CNTLN: variants seen among roughly 807,000 people sequenced by gnomAD.
The protein encoded by CNTLN is centlein, centrosomal protein.
CNTLN carries 212 observed loss-of-function variants against 180.0 expected under a neutral mutation model. That is an observed-to-expected ratio of 1.18 (90% confidence interval 1.05 to 1.32). The LOEUF is 1.32. Ranked by LOEUF, CNTLN falls within the 40% of genes most tolerant of loss-of-function variation. The pLI is 0.00. For synonymous variants in CNTLN, 722 were observed against 563.1 expected, an observed-to-expected ratio of 1.28 and a Z score of -3.99; for missense variants, 2,095 against 1,610.9, an observed-to-expected ratio of 1.30 and a Z score of -5.14.
At chr9:17,518,283 G>A in the CNTLN span, among the ~76,000 whole-genome samples, 2 of 151,674 alleles carry the variant, frequency 1.3e-5, no homozygotes, top group Non-Finnish European at 2.9e-5. Context: ...TCCTGACCTC[G>A]TGATCTGCCT....
At chr9:17,376,533 G>A (rs932072874) in intron 13 of CNTLN, among the ~76,000 whole-genome samples, 3 of 151,332 alleles carry the variant, frequency 2.0e-5, no homozygotes, top group African/African-American at 7.3e-5. Flanking sequence ...CTCACTGCAA[G>A]CTCCGCCTCC....
the CNTLN span, among the ~76,000 whole-genome samples, chr9:17,510,990 C>T: frequency 3.2e-3 from 480 of 152,336 alleles, 2 homozygotes; most frequent in African/African-American, 0.011. Flanking sequence ...TGCAACCCCA[C>T]CAACCATGTC....
At chr9:17,483,690 A>T (rs532940219) in intron 23 of CNTLN, among the ~76,000 whole-genome samples, 13 of 152,196 alleles carry the variant, frequency 8.5e-5, no homozygotes, top group Non-Finnish European at 1.8e-4. Flanking sequence ...AGGCAACTTA[A>T]AGGCTTGTGA....
At chr9:17,512,871 T>C in the CNTLN span, among the ~76,000 whole-genome samples, 14 of 152,232 alleles carry the variant, frequency 9.2e-5, no homozygotes, top group East Asian at 1.2e-3. Context: ...GGCTGGAGTG[T>C]GGTGGCGCGA....
chr9:17,218,922 A>G lies in CNTLN; in HGVS notation c.450-7281A>G, dbSNP rs145659306. ...AATATATGGCATGGTCTATAACATA[A>G]TAAAATTTTGTTTCTTAATGATTCA... On this transcript the variant is annotated intron_variant, in intron 2 of 25. Transcript: ENST00000380647. Among the ~76,000 whole-genome samples, 95 of 152,312 alleles carry G rather than the reference A, an allele frequency of 6.2e-4. 2 individuals are homozygous for G. The East Asian group carries it at 0.017, about 27-fold the overall frequency.
chr9:17,526,282 A>T, the CNTLN span, among the ~76,000 whole-genome samples: 4 of 152,208 alleles, frequency 2.6e-5, no homozygotes, highest in Admixed American at 2.0e-4. Flanking sequence ...AGCCAAAATG[A>T]TTTGAAATAA....
intron 25 of CNTLN, among the ~76,000 whole-genome samples, chr9:17,499,802 T>C (rs1833649119): frequency 6.6e-6 from 1 of 152,162 alleles, no homozygotes; most frequent in South Asian, 2.1e-4. Flanking sequence ...CTTATGTATT[T>C]AAAAAATAAT....
At chr9:17,303,105 G>A (rs1042495560) in intron 7 of CNTLN, among the ~76,000 whole-genome samples, 5 of 152,170 alleles carry the variant, frequency 3.3e-5, no homozygotes, top group Non-Finnish European at 7.4e-5. Flanking sequence ...GGTAACTGAA[G>A]CTTAGAGTGT....
At chr9:17,244,264 T>G (rs1158459561) in intron 5 of CNTLN, among the ~76,000 whole-genome samples, 1 of 151,694 alleles carries the variant, frequency 6.6e-6, no homozygotes, top group Non-Finnish European at 1.5e-5. Flanking sequence ...CAGACTGGAG[T>G]GCAGTGGCAC....
intron 2 of CNTLN, among the ~76,000 whole-genome samples, chr9:17,151,884 A>C (rs1489558472): frequency 6.6e-6 from 1 of 151,984 alleles, no homozygotes; most frequent in Non-Finnish European, 1.5e-5. Flanking sequence ...CTGTCTTGGA[A>C]TTGGGAGGGT....
intron 5 of CNTLN, among the ~76,000 whole-genome samples, chr9:17,270,947 CTTTTTTT>C (rs78896738): frequency 8.2e-6 from 1 of 122,156 alleles, no homozygotes; most frequent in African/African-American, 3.3e-5. Context: ...GAGAGGAGTT[CTTTTTTT>C]TTTTTTTTTT....
At chr9:17,516,965 C>G in the CNTLN span, among the ~76,000 whole-genome samples, 1 of 152,160 alleles carries the variant, frequency 6.6e-6, no homozygotes, top group Admixed American at 6.5e-5. Context: ...CACAATCTTT[C>G]CATCTCCTGG....
chr9:17,324,086 A>G (rs1264971156), intron 8 of CNTLN, among the ~76,000 whole-genome samples: 1 of 152,208 alleles, frequency 6.6e-6, no homozygotes. Context: ...TATAGAGATG[A>G]TAATGTATAA....
chr9:17,263,262 A>G (rs980224919), intron 5 of CNTLN, among the ~76,000 whole-genome samples: 7 of 130,246 alleles, frequency 5.4e-5, no homozygotes, highest in African/African-American at 2.1e-4. Context: ...CTCATTGTTC[A>G]ATTCCCACCA....
intron 13 of CNTLN, among the ~76,000 whole-genome samples, chr9:17,386,355 A>G (rs1825681809): frequency 6.6e-6 from 1 of 152,168 alleles, no homozygotes; most frequent in African/African-American, 2.4e-5. Flanking sequence ...AACTCCTGAG[A>G]AAGAATATAA....
chr9:17,154,904 C>G (rs1032473092), intron 2 of CNTLN, among the ~76,000 whole-genome samples: 1 of 152,212 alleles, frequency 6.6e-6, no homozygotes, highest in Admixed American at 6.5e-5. Flanking sequence ...TTCTTTTGCT[C>G]TTCACAATAA....
At chr9:17,507,559 T>C (rs1833955189), downstream of CNTLN, among the ~76,000 whole-genome samples, 1 of 152,158 alleles carries the variant, frequency 6.6e-6, no homozygotes, top group South Asian at 2.1e-4. Context: ...GTTCGAAGAG[T>C]TGCTATTTCT....
intron 1 of CNTLN, among the ~76,000 whole-genome samples, chr9:17,139,427 G>C (rs144657396): frequency 2.8e-3 from 432 of 152,022 alleles, no homozygotes; most frequent in African/African-American, 9.6e-3. Flanking sequence ...TTGGGAGGCT[G>C]AGATGGGCGG....
chr9:17,383,692 C>A (rs1006985744), intron 13 of CNTLN, among the ~76,000 whole-genome samples: 4 of 151,420 alleles, frequency 2.6e-5, no homozygotes, highest in African/African-American at 9.7e-5. Context: ...GGCTGGAGTG[C>A]AGTGGCGTGA....
Sources: allele counts gnomAD v4.1 joint callset (sites outside exome capture counted in the v4.1 genomes callset), GRCh38; gene constraint gnomAD v4.1.1; transcripts MANE v1.5; gene names NCBI Gene and HGNC (gene_info 2026-07-23, HGNC 2026-07-21).